The following NRXN1 variants were observed in gnomAD, a reference collection of about 807,000 sequenced individuals.
NRXN1 encodes neurexin-1.
In NRXN1, 39 loss-of-function variants were observed where a neutral mutation model predicts 150.9. The ratio of observed to expected loss-of-function variants is 0.26; its 90% CI spans 0.20 to 0.34. The LOEUF is 0.34. Ranked by LOEUF, NRXN1 falls within the 10% of genes least tolerant of loss-of-function variation. The probability of loss-of-function intolerance (pLI) is 1.00; values close to 1 mark genes in which losing one functional copy is unlikely to be tolerated. For synonymous variants in NRXN1, 924 were observed against 757.0 expected (o/e 1.22, Z -3.62); for missense variants, 1,815 against 1,949.9 (o/e 0.93, Z 1.30).
intron 19 of NRXN1, among the ~76,000 whole-genome samples, chr2:50,087,853 G>C (rs1441210041): frequency 6.6e-6 from 1 of 152,086 alleles, no homozygotes; most frequent in African/African-American, 2.4e-5. Context: ...TCAATGCTTT[G>C]GTTGCTTTTC....
At chr2:50,858,239 A>AT (rs1375458920) in intron 5 of NRXN1, among the ~76,000 whole-genome samples, 4 of 151,996 alleles carry the variant, frequency 2.6e-5, no homozygotes, top group Admixed American at 6.6e-5. Context: ...ACAAATTAAT[A>AT]TTTTTCAAAA....
At chr2:50,204,871 G>A (rs1470581564) in intron 18 of NRXN1, among the ~76,000 whole-genome samples, 1 of 151,988 alleles carries the variant, frequency 6.6e-6, no homozygotes, top group Non-Finnish European at 1.5e-5. Flanking sequence ...TTTAGTTCCA[G>A]TTATTATTAC....
intron 10 of NRXN1, among the ~76,000 whole-genome samples, chr2:50,534,002 A>G (rs936692096): frequency 9.9e-5 from 15 of 151,992 alleles, no homozygotes; most frequent in Admixed American, 9.2e-4. Context: ...GAGGGCAGAG[A>G]TCAGTCTCTC....
intron 21 of NRXN1, among the ~76,000 whole-genome samples, chr2:50,007,954 G>A (rs1346780170): frequency 1.3e-5 from 2 of 152,092 alleles, no homozygotes; most frequent in East Asian, 1.9e-4. Context: ...TCTACCTAAT[G>A]TGAAAGTTCA....
intron 5 of NRXN1, among the ~76,000 whole-genome samples, chr2:50,694,024 C>T (rs918229605): frequency 1.3e-5 from 2 of 151,964 alleles, no homozygotes; most frequent in African/African-American, 4.8e-5. Context: ...AACTCCCGGC[C>T]TCAAGGGATT....
intron 5 of NRXN1, among the ~76,000 whole-genome samples, chr2:50,795,870 C>A (rs2105644568): frequency 6.6e-6 from 1 of 151,746 alleles, no homozygotes; most frequent in South Asian, 2.1e-4. Context: ...ACAATGCCTG[C>A]TGGAATGATT....
chr2:50,912,454 C>G (rs1684655924), intron 5 of NRXN1, among the ~76,000 whole-genome samples: 1 of 151,810 alleles, frequency 6.6e-6, no homozygotes, highest in Non-Finnish European at 1.5e-5. Context: ...TGTCCTGTTG[C>G]AATAAATCAA....
At chr2:50,552,169 A>C (rs1356029307) in intron 9 of NRXN1, among the ~76,000 whole-genome samples, 1 of 152,200 alleles carries the variant, frequency 6.6e-6, no homozygotes, top group African/African-American at 2.4e-5. Flanking sequence ...TGCCAAACTA[A>C]GGATTTTATG....
chr2:50,047,894 C>G (rs779577363), intron 21 of NRXN1, among the ~76,000 whole-genome samples: 4 of 152,044 alleles, frequency 2.6e-5, no homozygotes, highest in Non-Finnish European at 4.4e-5. Context: ...GCTCATCAAA[C>G]TTGGTTAAGT....
At chr2:50,283,905 CA>C (rs928732117) in intron 17 of NRXN1, among the ~76,000 whole-genome samples, 1 of 152,100 alleles carries the variant, frequency 6.6e-6, no homozygotes, top group Non-Finnish European at 1.5e-5. Context: ...AATGCCAAAA[CA>C]AAACAAAACA....
chr2:50,709,613 C>A (rs778884620), intron 5 of NRXN1, among the ~76,000 whole-genome samples: 14 of 151,982 alleles, frequency 9.2e-5, no homozygotes, highest in Non-Finnish European at 1.9e-4. Flanking sequence ...TGAGATATGA[C>A]CTGAAGGAAT....
At chr2:50,915,497 T>A (rs1161132365) in intron 5 of NRXN1, among the ~76,000 whole-genome samples, 7 of 151,620 alleles carry the variant, frequency 4.6e-5, no homozygotes, top group African/African-American at 1.5e-4. Flanking sequence ...GTATGTAAGA[T>A]AAATGTTAAA....
chr2:50,144,576 A>G (rs142844434), intron 18 of NRXN1, among the ~76,000 whole-genome samples: 1 of 152,050 alleles, frequency 6.6e-6, no homozygotes, highest in East Asian at 1.9e-4. Flanking sequence ...CTACACGGAT[A>G]AAGAAGAAGC....
At chr2:50,668,239 A>T (rs985371641) in intron 5 of NRXN1, among the ~76,000 whole-genome samples, 2 of 151,938 alleles carry the variant, frequency 1.3e-5, no homozygotes, top group Admixed American at 6.6e-5. Flanking sequence ...GGGACAATAA[A>T]ATAAAATAGT....
intron 5 of NRXN1, among the ~76,000 whole-genome samples, chr2:50,719,743 G>A (rs1559165780): frequency 6.6e-6 from 1 of 152,092 alleles, no homozygotes; most frequent in Non-Finnish European, 1.5e-5. Flanking sequence ...TCTTGATTGG[G>A]ATTATTAGCA....
chr2:50,998,778 C>T (rs1283767140), intron 2 of NRXN1, among the ~76,000 whole-genome samples: 1 of 152,036 alleles, frequency 6.6e-6, no homozygotes. Flanking sequence ...TGGTACAACA[C>T]ATACACCCAC....
chr2:50,171,255 T>TG (rs2060014754), intron 18 of NRXN1, among the ~76,000 whole-genome samples: 2 of 119,282 alleles, frequency 1.7e-5, no homozygotes, highest in South Asian at 2.7e-4. Context: ...GTGTGTGTGT[T>TG]TGTGTGTGTA....
chr2:50,158,499 A>G lies in NRXN1; in HGVS notation c.3547-67005T>C, dbSNP rs1346758630. Among the ~76,000 whole-genome samples the G allele has an allele frequency of 2.0e-5, 3 of 152,208 alleles. No individual in the cohort carries two copies. In the East Asian group the frequency reaches 5.8e-4, roughly 29 times the overall value. ...GAAAAGGAAAAAAAGGGTTCTGGACATTGTTATCCCAATGTTAATGTCCTA... is the reference window on the plus strand; with the variant it reads ...GAAAAGGAAAAAAAGGGTTCTGGACGTTGTTATCCCAATGTTAATGTCCTA... On this transcript the variant is annotated intron_variant, in intron 18 of 22. Transcript: ENST00000401669.
intron 19 of NRXN1, among the ~76,000 whole-genome samples, chr2:50,081,013 T>A (rs1697880208): frequency 6.6e-6 from 1 of 152,194 alleles, no homozygotes; most frequent in Non-Finnish European, 1.5e-5. Flanking sequence ...CCCTTAAACA[T>A]AACATACATA....
Sources: gnomAD v4.1 joint callset for allele counts (sites outside exome capture counted in the v4.1 genomes callset) on GRCh38, gnomAD v4.1.1 for gene constraint, MANE v1.5 for transcripts, NCBI Gene and HGNC (gene_info 2026-07-23, HGNC 2026-07-21) for gene names.